TCP11L2: variants seen among roughly 807,000 people sequenced by gnomAD.
TCP11L2 encodes the protein T-complex protein 11-like protein 2.
Under a neutral mutation model 50.7 loss-of-function variants are expected in TCP11L2, and 39 were observed. The ratio of observed to expected loss-of-function variants is 0.77; its 90% confidence interval spans 0.60 to 1.01. The LOEUF (loss-of-function observed/expected upper bound fraction) is 1.01, where lower values mean the gene tolerates loss of function less well. TCP11L2 is among the 50% of genes least tolerant of loss of function. The probability of loss-of-function intolerance (pLI) is 0.00; values close to 1 mark genes in which losing one functional copy is unlikely to be tolerated. For synonymous variants in TCP11L2, 192 were observed against 219.3 expected, an observed-to-expected ratio of 0.88 and a Z score of 1.10; for missense variants, 612 against 614.7, an observed-to-expected ratio of 1.00 and a Z score of 0.05.
At chr12:106,330,072 A>G (rs1459381764) in intron 6 of TCP11L2, 1 of 985,330 alleles carries the variant, frequency 1.0e-6, no homozygotes, top group East Asian at 1.1e-4. Context: ...CCAAATGTAT[A>G]ATTGTATAAG....
chr12:106,341,456 G>A (rs1372376580), intron 9 of TCP11L2, among the ~76,000 whole-genome samples: 2 of 152,212 alleles, frequency 1.3e-5, no homozygotes, highest in Non-Finnish European at 2.9e-5. Context: ...GAAATTGACT[G>A]TCTCAAAGTC....
At chr12:106,319,069 G>A (rs970747750) in intron 4 of TCP11L2, among the ~76,000 whole-genome samples, 4 of 151,992 alleles carry the variant, frequency 2.6e-5, no homozygotes, top group African/African-American at 7.2e-5. Flanking sequence ...CCGCCACCGC[G>A]CCCAGCTAAT....
intron 6 of TCP11L2, among the ~76,000 whole-genome samples, chr12:106,335,285 T>C (rs1275782799): frequency 1.3e-5 from 2 of 152,222 alleles, no homozygotes; most frequent in Non-Finnish European, 2.9e-5. Context: ...TGCCATTTGC[T>C]ACAACCCTCT....
chr12:106,333,663 GAAA>G (rs965779635), intron 6 of TCP11L2, among the ~76,000 whole-genome samples: 1 of 151,650 alleles, frequency 6.6e-6, no homozygotes, highest in African/African-American at 2.4e-5. Flanking sequence ...TTATATATGT[GAAA>G]AAAACAAAAT....
chr12:106,305,674 C>G (rs1378168999), intron 1 of TCP11L2, among the ~76,000 whole-genome samples: 1 of 152,192 alleles, frequency 6.6e-6, no homozygotes, highest in Non-Finnish European at 1.5e-5. Flanking sequence ...GTTCTAAGCT[C>G]TAGCTGGCTC....
At position 106,346,701 on chromosome 12, in the gene TCP11L2, C is replaced by A; in HGVS notation, c.*171C>A. ...ACAGAAGACACACACATCACATAGA[C>A]CCTCAGAAGACGTAAACATCACATA... On this transcript the variant is annotated 3_prime_UTR_variant, in exon 10 of 10. Coordinates refer to ENST00000299045, the MANE Select transcript of TCP11L2 (RefSeq NM_152772.3). The A allele has an allele frequency of 1.4e-6, 1 of 707,974 alleles. No homozygotes were observed. The highest frequency in any genetic ancestry group is 2.2e-6 in the Non-Finnish European group (1 of 461,718). 43.9% of individuals were successfully genotyped at this position (707,974 alleles called of 1,614,324 possible). A position where few individuals can be genotyped will look rare whatever the true frequency, so the allele number is the denominator to read the frequency against.
chr12:106,300,776 T>C (rs2034395041), upstream of TCP11L2, among the ~76,000 whole-genome samples: 1 of 152,242 alleles, frequency 6.6e-6, no homozygotes, highest in Non-Finnish European at 1.5e-5. Flanking sequence ...TTCTCTGATG[T>C]TACAGTTGAA....
intron 3 of TCP11L2, among the ~76,000 whole-genome samples, chr12:106,316,667 C>T (rs1163607260): frequency 6.6e-6 from 1 of 152,106 alleles, no homozygotes; most frequent in Non-Finnish European, 1.5e-5. Context: ...TATTCTTTCT[C>T]ATAGGTCTGA....
chr12:106,311,258 G>C, intron 2 of TCP11L2, 26 bp downstream of exon 2: 1 of 1,609,516 alleles, frequency 6.2e-7, no homozygotes, highest in Non-Finnish European at 8.5e-7. Flanking sequence ...AGCAGGGGTT[G>C]TGGGTGGCAG....
chr12:106,338,057 TAGA>T (rs1197495735), intron 8 of TCP11L2, among the ~76,000 whole-genome samples: 14 of 152,358 alleles, frequency 9.2e-5, no homozygotes, highest in Admixed American at 2.6e-4. Flanking sequence ...TCTTGAAAAC[TAGA>T]AGGAGTTTTT....
intron 5 of TCP11L2, among the ~76,000 whole-genome samples, chr12:106,322,786 T>C (rs2035389080): frequency 6.6e-6 from 1 of 152,194 alleles, no homozygotes; most frequent in Non-Finnish European, 1.5e-5. Context: ...ACACTCTCTG[T>C]CAAATGGGTG....
At chr12:106,327,372 T>C (rs886668371) in intron 6 of TCP11L2, among the ~76,000 whole-genome samples, 8 of 152,190 alleles carry the variant, frequency 5.3e-5, no homozygotes, top group African/African-American at 1.9e-4. Flanking sequence ...TTTTAAAACA[T>C]TTTTTGTAGA....
intron 1 of TCP11L2, among the ~76,000 whole-genome samples, chr12:106,308,257 A>G (rs138234326): frequency 0.013 from 1,957 of 152,298 alleles, 26 homozygotes; most frequent in Middle Eastern, 0.034. Flanking sequence ...TTGGAGCATC[A>G]TATATTCCTT....
In TCP11L2 at chr12:106,336,051, C is replaced by G. The variant is rs139456300; in HGVS notation, c.980C>G (p.Ala327Gly). 2 of 1,611,992 alleles carry G rather than the reference C, an allele frequency of 1.2e-6. No homozygotes were observed. Among genetic ancestry groups the G allele is most frequent in the South Asian group, 1.1e-5 (1 of 90,598 alleles). Residue 327 changes from alanine (A) to glycine (G), a missense_variant, in exon 8 of 10, where the codon GCA (alanine) becomes GGA (glycine). Physicochemically the swap from Ala to Gly is moderately conservative, Grantham distance 60. Coordinates refer to ENST00000299045, the MANE Select transcript of TCP11L2 (RefSeq NM_152772.3). ...TGTTAGACACTTATGACAGATGGAGCACGTCTTCAGGAACTAACAGAAAAG... is the reference window on the plus strand; with the variant it reads ...TGTTAGACACTTATGACAGATGGAGGACGTCTTCAGGAACTAACAGAAAAG... ...ELPETLMTDG[A>G]RLQELTEKLN...
chr12:106,337,426 A>G (rs1412689804), intron 8 of TCP11L2, among the ~76,000 whole-genome samples: 1 of 152,258 alleles, frequency 6.6e-6, no homozygotes, highest in Admixed American at 6.5e-5. Flanking sequence ...TCTGATGCTC[A>G]TTAATATTCC....
At chr12:106,309,835 T>G (rs1043118469) in intron 1 of TCP11L2, among the ~76,000 whole-genome samples, 6 of 152,044 alleles carry the variant, frequency 3.9e-5, no homozygotes, top group African/African-American at 1.5e-4. Flanking sequence ...AATGGAATCA[T>G]TGAAGAAACT....
chr12:106,334,401 A>C (rs1483324618), intron 6 of TCP11L2, among the ~76,000 whole-genome samples: 5 of 152,198 alleles, frequency 3.3e-5, no homozygotes, highest in African/African-American at 1.2e-4. Context: ...TCCAAGGTGC[A>C]AATCTGGGAG....
upstream of TCP11L2, among the ~76,000 whole-genome samples, chr12:106,302,439 G>A (rs1463344496): frequency 1.4e-5 from 2 of 142,196 alleles, no homozygotes; most frequent in Admixed American, 7.0e-5. Flanking sequence ...CCCGCCCCCA[G>A]TGCCCTGGCA....
intron 9 of TCP11L2, among the ~76,000 whole-genome samples, chr12:106,343,107 C>T (rs551026760): frequency 1.3e-5 from 2 of 152,322 alleles, no homozygotes; most frequent in East Asian, 1.9e-4. Flanking sequence ...GCCAAGGACA[C>T]GCCTTTGGCA....
Sources: allele counts gnomAD v4.1 joint callset (sites outside exome capture counted in the v4.1 genomes callset), GRCh38; gene constraint gnomAD v4.1.1; transcripts MANE v1.5; gene names NCBI Gene and HGNC (gene_info 2026-07-23, HGNC 2026-07-21).